The following RANBP2 variants were observed in gnomAD, a reference collection of about 807,000 sequenced individuals.
RANBP2 encodes the protein E3 SUMO-protein ligase RanBP2.
In RANBP2, 57 loss-of-function variants were observed where a neutral mutation model predicts 303.6. The observed-to-expected ratio is 0.19, with a 90% CI of 0.15 to 0.23. The LOEUF (loss-of-function observed/expected upper bound fraction) is 0.23, where lower values mean the gene tolerates loss of function less well. Ranked by LOEUF, RANBP2 falls within the 10% of genes least tolerant of loss-of-function variation. The pLI is 1.00. For missense variants in RANBP2, 3,138 were observed against 3,780.8 expected (o/e 0.83, Z 4.46); for synonymous variants, 1,167 against 1,301.5 (o/e 0.90, Z 2.23).
chr2:109,272,609 G>T, the RANBP2 span, among the ~76,000 whole-genome samples: 4 of 152,232 alleles, frequency 2.6e-5, no homozygotes, highest in African/African-American at 7.2e-5. Flanking sequence ...TGCTGCAGGC[G>T]AGTGGTGAGC....
chr2:108,979,467 T>TCTCACACACACACACA, the RANBP2 span, among the ~76,000 whole-genome samples: 2 of 147,112 alleles, frequency 1.4e-5, no homozygotes, highest in African/African-American at 2.5e-5. Context: ...TCTCTCTCTC[T>TCTCACACACACACACA]CACACACACA....
At chr2:108,740,454 G>A (rs1458843984) in intron 6 of RANBP2, 35 bp from the exon 7 acceptor site, 1 of 1,597,126 alleles carries the variant, frequency 6.3e-7, no homozygotes, top group African/African-American at 1.3e-5. Context: ...AGTGCAGTAA[G>A]TGTGTATTAT....
At chr2:108,804,938 A>G in the RANBP2 span, 4 of 1,575,560 alleles carry the variant, frequency 2.5e-6, no homozygotes, top group African/African-American at 1.4e-5. Context: ...AAGGAAAAGA[A>G]TAAAGAAACC....
At chr2:108,811,245 C>T in the RANBP2 span, among the ~76,000 whole-genome samples, 20 of 109,602 alleles carry the variant, frequency 1.8e-4, no homozygotes, top group Admixed American at 4.1e-4. Flanking sequence ...CTTTCTCTCT[C>T]TCTTTTTTTT....
the RANBP2 span, among the ~76,000 whole-genome samples, chr2:108,822,177 A>AATATACT: frequency 6.6e-6 from 1 of 152,188 alleles, no homozygotes; most frequent in African/African-American, 2.4e-5. Flanking sequence ...TATAAGACAA[A>AATATACT]ATATACTTTA....
the RANBP2 span, among the ~76,000 whole-genome samples, chr2:108,990,228 G>A: frequency 6.6e-6 from 1 of 151,730 alleles, no homozygotes; most frequent in Non-Finnish European, 1.5e-5. Flanking sequence ...TCAGGAGATC[G>A]AGACCATCCT....
chr2:109,254,593 G>A, the RANBP2 span, among the ~76,000 whole-genome samples: 5 of 152,312 alleles, frequency 3.3e-5, no homozygotes, highest in South Asian at 8.3e-4. Flanking sequence ...AAGAAACCAT[G>A]ACTATTCCCA....
chr2:109,639,413 G>A, the RANBP2 span, among the ~76,000 whole-genome samples: 3 of 152,076 alleles, frequency 2.0e-5, no homozygotes, highest in African/African-American at 7.2e-5. Flanking sequence ...GAGATCAAGA[G>A]ATCTAGACCA....
At chr2:108,724,395 A>G (rs1694528302) in intron 1 of RANBP2, among the ~76,000 whole-genome samples, 1 of 152,098 alleles carries the variant, frequency 6.6e-6, no homozygotes, top group South Asian at 2.1e-4. Flanking sequence ...AACTAATGGT[A>G]TGTCTTTAAA....
the RANBP2 span, among the ~76,000 whole-genome samples, chr2:109,030,642 C>T: frequency 6.6e-6 from 1 of 152,192 alleles, no homozygotes; most frequent in Non-Finnish European, 1.5e-5. Flanking sequence ...TTGTACTTTC[C>T]TGAGTACCTA....
chr2:109,245,897 C>T, the RANBP2 span, among the ~76,000 whole-genome samples: 4 of 152,120 alleles, frequency 2.6e-5, no homozygotes, highest in East Asian at 1.9e-4. Flanking sequence ...AACACAATCC[C>T]GGGCATCATT....
At chr2:109,010,683 T>C in the RANBP2 span, among the ~76,000 whole-genome samples, 1 of 152,194 alleles carries the variant, frequency 6.6e-6, no homozygotes, top group Non-Finnish European at 1.5e-5. Context: ...ACCATCACAC[T>C]GGAGGTGAGT....
chr2:108,766,374 T>C lies in RANBP2; in HGVS notation c.5835T>C (p.Phe1945=), dbSNP rs760094898. 3.1e-6 allele frequency: 5 copies of C among 1,612,010 alleles called. No individual in the cohort carries two copies. In the South Asian group the frequency reaches 5.5e-5, roughly 18 times the overall value. The change falls in exon 20 of 29, where the codon TTT becomes TTC. Residue 1945 remains phenylalanine, a synonymous_variant. Transcript: ENST00000283195. ...TTTTTGGCCAAACAAGTAGCACTTTTACATTTGCAGATCTTGCAAAATCAA... is the reference window on the plus strand; with the variant it reads ...TTTTTGGCCAAACAAGTAGCACTTTCACATTTGCAGATCTTGCAAAATCAA... ...GVIFGQTSST[F]TFADLAKSTS...
the RANBP2 span, among the ~76,000 whole-genome samples, chr2:109,172,263 T>G: frequency 6.6e-6 from 1 of 152,180 alleles, no homozygotes; most frequent in African/African-American, 2.4e-5. Context: ...CAGGGATCTG[T>G]GGGCAACAGC....
At chr2:109,338,185 G>A in the RANBP2 span, among the ~76,000 whole-genome samples, 1 of 152,144 alleles carries the variant, frequency 6.6e-6, no homozygotes, top group African/African-American at 2.4e-5. Flanking sequence ...AGTGTGCCAG[G>A]CACTGTTAGG....
chr2:109,534,799 G>GTTGTT, the RANBP2 span, among the ~76,000 whole-genome samples: 23 of 143,754 alleles, frequency 1.6e-4, no homozygotes, highest in East Asian at 6.1e-4. Context: ...GGGAGTGAAA[G>GTTGTT]TTGTTTTGTT....
chr2:109,458,204 G>T, the RANBP2 span, among the ~76,000 whole-genome samples: 368 of 152,214 alleles, frequency 2.4e-3, 1 homozygote, highest in Admixed American at 3.6e-3. Context: ...CTTCCAGGCC[G>T]CATCTTACTA....
the RANBP2 span, among the ~76,000 whole-genome samples, chr2:109,354,167 T>A: frequency 6.6e-6 from 1 of 151,672 alleles, no homozygotes; most frequent in African/African-American, 2.4e-5. Context: ...CCTTTTTAAT[T>A]TTCCCTTCTC....
chr2:109,082,407 TCTC>T, the RANBP2 span, among the ~76,000 whole-genome samples: 1 of 152,068 alleles, frequency 6.6e-6, no homozygotes, highest in Non-Finnish European at 1.5e-5. Context: ...TTCACACCAT[TCTC>T]CTGCCTCAGC....
Sources: gnomAD v4.1 joint callset for allele counts (sites outside exome capture counted in the v4.1 genomes callset) on GRCh38, gnomAD v4.1.1 for gene constraint, MANE v1.5 for transcripts, NCBI Gene and HGNC (gene_info 2026-07-23, HGNC 2026-07-21) for gene names.